Variants in SLC6A20 observed in about 807,000 individuals in gnomAD.
SLC6A20 encodes solute carrier family 6 member 20.
SLC6A20 carries 73 observed loss-of-function variants against 64.3 expected under a neutral mutation model. That is an observed-to-expected ratio of 1.14 (90% CI 0.94 to 1.38). The LOEUF is 1.38. Ranked by LOEUF, SLC6A20 falls within the 40% of genes most tolerant of loss-of-function variation. The pLI is 0.00. For missense variants in SLC6A20, 725 were observed against 772.8 expected (o/e 0.94, Z 0.73); for synonymous variants, 347 against 329.6 (o/e 1.05, Z -0.57).
chr3:45,788,015 G>A lies in SLC6A20; in HGVS notation c.122-5792C>T, dbSNP rs576975764. 3.9e-5 allele frequency among the ~76,000 whole-genome samples: 6 copies of A among 152,212 alleles called. No individual in the cohort carries two copies. In the South Asian group the frequency reaches 6.2e-4, roughly 16 times the overall value. ...GGCTGGAGTGCAGTGGTGCGATCAC[G>A]GCTCACTGCAGCCTCGACCTCCCAG... On this transcript the variant is annotated intron_variant, in intron 1 of 10. Transcript: ENST00000358525.
Position 45,765,397 on chromosome 3 carries a change from T to A in SLC6A20, c.1303+140A>T. ...CCAGGTCCCAGGTTGTGAGAAGACA[T>A]GGCAGGACCGTGGTGAGGTGGCTGC... is the stretch of plus-strand genomic sequence containing the variant. On this transcript the variant is annotated intron_variant, in intron 8 of 10. Coordinates refer to ENST00000358525, the MANE Select transcript of SLC6A20 (RefSeq NM_020208.4). The surrounding 1 kb of genome is among the most constrained non-coding windows in gnomAD (Gnocchi z 4.2). The A allele has an allele frequency of 1.2e-6, 1 of 844,724 alleles. No individual in the cohort carries two copies. The highest frequency in any genetic ancestry group is 1.8e-6 in the Non-Finnish European group (1 of 541,778). 52.3% of individuals were successfully genotyped at this position (844,724 alleles called of 1,614,324 possible).
At chr3:45,759,790 AATG>A in intron 10 of SLC6A20, 64 bp downstream of exon 10, 1 of 1,527,582 alleles carries the variant, frequency 6.5e-7, no homozygotes, top group South Asian at 1.3e-5. Context: ...GGTTTCGGAA[AATG>A]AATGGCCCAT....
At position 45,784,832 on chromosome 3, in the gene SLC6A20, G is replaced by A. The variant is rs367797536; in HGVS notation, c.122-2609C>T. ...AGAGCATGGTGCTAGTATCTGGAGAGGGCCTTCTTACTGCATCATCCCATG... is the reference window on the plus strand; with the variant it reads ...AGAGCATGGTGCTAGTATCTGGAGAAGGCCTTCTTACTGCATCATCCCATG... On this transcript the variant is annotated intron_variant, in intron 1 of 10. Transcript: ENST00000358525. Among the ~76,000 whole-genome samples, 7 of 152,294 alleles carry A rather than the reference G, an allele frequency of 4.6e-5. No individual in the cohort carries two copies. The East Asian group carries it at 9.6e-4, about 21-fold the overall frequency.
At position 45,759,908 on chromosome 3, in the gene SLC6A20, G is replaced by T; in HGVS notation, c.1578C>A (p.Ser526Arg). ...LIVSLFVFYL[S>R]DYILTGTLKY... Reference sequence around the variant, plus strand: ...TCAGGGTCCCCGTGAGGATGTAGTCGCTCAGGTAGAAGACAAAGAGGCTGA... The same window carrying T: ...TCAGGGTCCCCGTGAGGATGTAGTCTCTCAGGTAGAAGACAAAGAGGCTGA... Residue 526 changes from serine (S) to arginine (R), a missense_variant, in exon 10 of 11, where the codon AGC becomes AGA. Physicochemically the swap from Ser to Arg is moderately radical, Grantham distance 110 (BLOSUM62 -1). Transcript: ENST00000358525. The T allele has an allele frequency of 6.8e-6, 11 of 1,614,138 alleles. No individual in the cohort carries two copies. The highest frequency in any genetic ancestry group is 9.3e-6 in the Non-Finnish European group (11 of 1,180,018).
chr3:45,758,343 G>C lies in SLC6A20; in HGVS notation c.*635C>G. 1 of 1,088,640 alleles carries C rather than the reference G, an allele frequency of 9.2e-7. No individual in the cohort carries two copies. The highest frequency in any genetic ancestry group is 1.7e-5 in the African/African-American group (1 of 60,554). 67.4% of individuals were successfully genotyped at this position (1,088,640 alleles called of 1,614,324 possible). Reference sequence around the variant, plus strand: ...TTTGGGGTTGCAAACTGTAGTTGGGGCAATTTTTTGTAGAGAGGTCTGGTC... The same window carrying C: ...TTTGGGGTTGCAAACTGTAGTTGGGCCAATTTTTTGTAGAGAGGTCTGGTC... On this transcript the variant is annotated 3_prime_UTR_variant, in exon 11 of 11. Coordinates refer to ENST00000358525, the MANE Select transcript of SLC6A20 (RefSeq NM_020208.4).
chr3:45,769,151 CAATAA>C (rs985210480), intron 7 of SLC6A20, among the ~76,000 whole-genome samples: 130 of 152,118 alleles, frequency 8.5e-4, no homozygotes, highest in African/African-American at 2.9e-3. Context: ...ATTCACAATA[CAATAA>C]AACAGTAAGG....
intron 4 of SLC6A20, among the ~76,000 whole-genome samples, chr3:45,775,008 G>A (rs1216408815): frequency 6.6e-6 from 1 of 152,196 alleles, no homozygotes; most frequent in African/African-American, 2.4e-5. Flanking sequence ...GAATGAGACA[G>A]GGTGTGCTAG....
At position 45,771,201 on chromosome 3, in the gene SLC6A20, GA is replaced by G. The variant is rs760386481; in HGVS notation, c.935+15del. The G allele has an allele frequency of 7.4e-6, 12 of 1,613,888 alleles. No individual in the cohort carries two copies. In the South Asian group the frequency reaches 1.3e-4, roughly 18 times the overall value. The stretch of plus-strand genomic sequence containing the variant: ...CTCAGGGAGGCCTGGGACTCGGTGG[GA>G]CAGCCCAGGCTTACTTCTTCAAGCA... On this transcript the variant is annotated intron_variant, in intron 6 of 10. Coordinates refer to ENST00000358525, the MANE Select transcript of SLC6A20 (RefSeq NM_020208.4).
Position 45,771,311 on chromosome 3 carries a change from G to A in SLC6A20, c.841C>T (p.Leu281Phe), listed in dbSNP as rs141997139. 1.1e-5 allele frequency: 18 copies of A among 1,614,138 alleles called. No individual in the cohort carries two copies. The highest frequency in any genetic ancestry group is 1.4e-5 in the Non-Finnish European group (17 of 1,180,058). Residue 281 changes from leucine to phenylalanine, a missense_variant, in exon 6 of 11, where the codon CTC (leucine) becomes TTC (phenylalanine). Coordinates refer to ENST00000358525, the MANE Select transcript of SLC6A20 (RefSeq NM_020208.4). Reference protein sequence around the residue: ...NCQKHAIIVSLINSFTSIFAS... With the variant: ...NCQKHAIIVSFINSFTSIFAS... ...AATATGGAGGTGAAGCTGTTGATGA[G>A]GGACACGATGATGGCGTGCTTCTGG...
intron 1 of SLC6A20, among the ~76,000 whole-genome samples, chr3:45,792,390 G>T (rs926860523): frequency 2.0e-5 from 3 of 152,096 alleles, no homozygotes; most frequent in Non-Finnish European, 4.4e-5. Context: ...TGTAAATGGG[G>T]GTGACAGGAC....
At position 45,762,919 on chromosome 3, in the gene SLC6A20, A is replaced by C. The variant is rs1464290164; in HGVS notation, c.1457T>G (p.Leu486Arg). ...ETIAVCYVYGLRRFESDLKAM... is the reference protein window; with the variant it reads ...ETIAVCYVYGRRRFESDLKAM... ...GGGTCCTGGGCCTCCTCACCTCCTC[A>C]GCCCGTACACGTAGCACACGGCAAT... The change falls in exon 9 of 11, where the codon CTG (leucine) becomes CGG (arginine). Residue 486 changes from leucine (L) to arginine (R), a missense_variant. Leu to Arg is a moderately radical substitution (Grantham distance 102). Coordinates refer to ENST00000358525, the MANE Select transcript of SLC6A20 (RefSeq NM_020208.4). 1.2e-6 allele frequency: 2 copies of C among 1,613,992 alleles called. No homozygotes were observed. Among genetic ancestry groups the C allele is most frequent in the Non-Finnish European group, 1.7e-6 (2 of 1,180,036 alleles).
chr3:45,759,182 G>GC, intron 10 of SLC6A20, 55 bp from the exon 11 acceptor site: 4 of 1,530,640 alleles, frequency 2.6e-6, no homozygotes. Context: ...CTGCCCCTGG[G>GC]CCTCAGGGCC....
At chr3:45,785,688 T>G (rs1172891310) in intron 1 of SLC6A20, among the ~76,000 whole-genome samples, 1 of 150,500 alleles carries the variant, frequency 6.6e-6, no homozygotes, top group Non-Finnish European at 1.5e-5. Context: ...CCTAATACAG[T>G]AGTAATACAA....
At chr3:45,771,503 C>A (rs1428098120) in intron 5 of SLC6A20, 45 bp from the exon 6 acceptor site, 5 of 1,608,072 alleles carry the variant, frequency 3.1e-6, no homozygotes, top group Non-Finnish European at 4.3e-6. Flanking sequence ...TGGGTGGAAT[C>A]CCAAATGCTC....
rs777178352 is a variant in SLC6A20 at position 45,763,008 on chromosome 3, C to T, written c.1368G>A (p.Trp456Ter). 6.2e-7 allele frequency: 1 copy of T among 1,614,176 alleles called. No homozygotes were observed. Among genetic ancestry groups the T allele is most frequent in the East Asian group, 2.2e-5 (1 of 44,876 alleles). ...CCGCGTAGTCGTTGAATATGTCAAACCAGTAGTTCCCAGCCTCCATCGTGA... is the reference window on the plus strand; with the variant it reads ...CCGCGTAGTCGTTGAATATGTCAAATCAGTAGTTCCCAGCCTCCATCGTGA... Reference protein sequence around the residue: ...MVFTMEAGNYWFDIFNDYAAT... With the variant: ...MVFTMEAGNY Residue 456 changes from tryptophan (W) to a stop codon, truncating the protein, a stop_gained, in exon 9 of 11, where the codon TGG (tryptophan) becomes TGA (stop). Transcript: ENST00000358525. LOFTEE classifies it high-confidence loss of function.
intron 1 of SLC6A20, among the ~76,000 whole-genome samples, chr3:45,783,282 A>G (rs1313567249): frequency 1.3e-5 from 2 of 152,228 alleles, no homozygotes; most frequent in African/African-American, 2.4e-5. Context: ...TAAAACCCAG[A>G]CACTACAACT....
rs1214466494 is a variant in SLC6A20 at position 45,770,299 on chromosome 3, C to T, written c.1008G>A (p.Val336=). 1 of 1,614,088 alleles carries T rather than the reference C, an allele frequency of 6.2e-7. No individual in the cohort carries two copies. The highest frequency in any genetic ancestry group is 8.5e-7 in the Non-Finnish European group (1 of 1,180,050). ...GGTAGGCAGATGCGAGGTAGCCCTT[C>T]ACCTGCTCCAGGTTGCTGGCTGTCA... ...GFLTASNLEQ[V]KGYLASAYPS... The change falls in exon 7 of 11, where the codon GTG becomes GTA. Residue 336 remains valine, a synonymous_variant. Coordinates refer to ENST00000358525, the MANE Select transcript of SLC6A20 (RefSeq NM_020208.4).
intron 2 of SLC6A20, 117 bp from the exon 3 acceptor site, chr3:45,780,217 C>T (rs1700055252): frequency 1.2e-6 from 1 of 833,278 alleles, no homozygotes; most frequent in South Asian, 1.6e-5. Flanking sequence ...GGCGAGGCCT[C>T]CCTCCACCAG....
intron 9 of SLC6A20, among the ~76,000 whole-genome samples, chr3:45,760,685 G>A (rs1185897628): frequency 6.6e-6 from 1 of 152,172 alleles, no homozygotes; most frequent in Admixed American, 6.5e-5. Flanking sequence ...TTAAACCTAC[G>A]GTTAGCAGCA....
Sources: gnomAD v4.1 joint callset for allele counts (sites outside exome capture counted in the v4.1 genomes callset) on GRCh38, gnomAD v4.1.1 for gene constraint, Gnocchi (gnomAD v3.1) non-coding constraint, MANE v1.5 for transcripts, NCBI Gene and HGNC (gene_info 2026-07-23, HGNC 2026-07-21) for gene names.